BMPR1B: variants seen among roughly 807,000 people sequenced by gnomAD.
The protein encoded by BMPR1B is bone morphogenetic protein receptor type-1B.
In BMPR1B, 12 loss-of-function variants were observed where a neutral mutation model predicts 59.1. That is an observed-to-expected ratio of 0.20 (90% CI 0.13 to 0.33). The LOEUF is 0.33. Ranked by LOEUF, BMPR1B falls within the 10% of genes least tolerant of loss-of-function variation. The probability of loss-of-function intolerance (pLI) is 1.00; values close to 1 mark genes in which losing one functional copy is unlikely to be tolerated. For missense variants in BMPR1B, 550 were observed against 610.9 expected, an observed-to-expected ratio of 0.90 and a Z score of 1.05; for synonymous variants, 237 against 207.3, an observed-to-expected ratio of 1.14 and a Z score of -1.23.
chr4:94,988,270 C>T (rs934089439), intron 2 of BMPR1B, among the ~76,000 whole-genome samples: 19 of 152,008 alleles, frequency 1.2e-4, no homozygotes, highest in African/African-American at 4.3e-4. Flanking sequence ...TGGAAACCCA[C>T]CTATTATTAT....
intron 2 of BMPR1B, among the ~76,000 whole-genome samples, chr4:94,972,275 A>C (rs1353779512): frequency 6.7e-6 from 1 of 148,890 alleles, no homozygotes; most frequent in Non-Finnish European, 1.5e-5. Context: ...GCTAGCTGTA[A>C]CATTAGCTAA....
chr4:94,919,213 C>T (rs1460909523), intron 2 of BMPR1B, among the ~76,000 whole-genome samples: 1 of 152,140 alleles, frequency 6.6e-6, no homozygotes, highest in Non-Finnish European at 1.5e-5. Context: ...CGCAGACGTG[C>T]ACTGCCTTAA....
intron 2 of BMPR1B, among the ~76,000 whole-genome samples, chr4:94,943,142 T>C (rs1729581666): frequency 6.6e-6 from 1 of 151,334 alleles, no homozygotes; most frequent in Non-Finnish European, 1.5e-5. Context: ...ATCCACTCAC[T>C]ATTTTTTTTT....
chr4:94,894,438 AAGAGAGAGAG>A (rs35163913), intron 2 of BMPR1B, among the ~76,000 whole-genome samples: 1 of 149,386 alleles, frequency 6.7e-6, no homozygotes, highest in African/African-American at 2.5e-5. Flanking sequence ...TGGCCTTTAA[AAGAGAGAGAG>A]AGAGAGAGAG....
chr4:94,789,216 C>T (rs1270218808), intron 1 of BMPR1B, among the ~76,000 whole-genome samples: 1 of 152,226 alleles, frequency 6.6e-6, no homozygotes, highest in African/African-American at 2.4e-5. Context: ...GAAGATGACA[C>T]TTCAGCTCAT....
At chr4:94,810,701 A>G (rs1723777650) in intron 1 of BMPR1B, among the ~76,000 whole-genome samples, 1 of 152,232 alleles carries the variant, frequency 6.6e-6, no homozygotes, top group African/African-American at 2.4e-5. Flanking sequence ...ATAAAGACAA[A>G]CTAAATGGTG....
chr4:95,030,864 TAA>T (rs1448198384), intron 3 of BMPR1B, among the ~76,000 whole-genome samples: 4 of 151,984 alleles, frequency 2.6e-5, no homozygotes, highest in Non-Finnish European at 4.4e-5. Context: ...CTCAACGAAA[TAA>T]AAGAGGATAC....
chr4:94,956,212 C>T (rs1318528271), intron 2 of BMPR1B, among the ~76,000 whole-genome samples: 1 of 151,784 alleles, frequency 6.6e-6, no homozygotes, highest in African/African-American at 2.4e-5. Flanking sequence ...TTTAGGTTCA[C>T]CTGTTTGTTT....
rs537871883 is a variant in BMPR1B at position 95,100,300 on chromosome 4, T to C, written c.-17-4108T>C. ...TCAGAAAATATTAAAATGCTTTTTT[T>C]CCCCTGCCCTCACTCTTAATTTGCC... On this transcript the variant is annotated intron_variant, in intron 3 of 12. Transcript: ENST00000515059. Among the ~76,000 whole-genome samples, 11 of 152,282 alleles carry C rather than the reference T, an allele frequency of 7.2e-5. 1 individual carries two copies. In the South Asian group the frequency reaches 2.3e-3, roughly 32 times the overall value.
rs531580805 is a variant in BMPR1B at position 95,003,216 on chromosome 4, A to G, written c.-18+7082A>G. 7.9e-5 allele frequency among the ~76,000 whole-genome samples: 12 copies of G among 152,242 alleles called. No individual in the cohort carries two copies. In the South Asian group the frequency reaches 2.3e-3, roughly 29 times the overall value. ...GGAAAAAATATTTTTCTGTATTTTT[A>G]TGTCTTAATTTAACTGTTAATACTA... On this transcript the variant is annotated intron_variant, in intron 3 of 12. Coordinates refer to ENST00000515059, the MANE Select transcript of BMPR1B (RefSeq NM_001203.3).
intron 3 of BMPR1B, among the ~76,000 whole-genome samples, chr4:95,065,188 C>T (rs1023160519): frequency 6.6e-6 from 1 of 152,106 alleles, no homozygotes; most frequent in African/African-American, 2.4e-5. Context: ...AGTACTGATA[C>T]ATGCTACAAC....
intron 1 of BMPR1B, among the ~76,000 whole-genome samples, chr4:94,870,052 A>C (rs34628453): frequency 0.17 from 25,135 of 152,186 alleles, 2,253 homozygotes; most frequent in South Asian, 0.24. Flanking sequence ...GTTGCAAAGA[A>C]AGGTTTTAAG....
intron 2 of BMPR1B, among the ~76,000 whole-genome samples, chr4:94,887,061 C>A (rs75402222): frequency 4.6e-5 from 7 of 151,652 alleles, no homozygotes; most frequent in African/African-American, 1.7e-4. Context: ...GAACGAAGAG[C>A]GATTCTTTGG....
At chr4:95,047,585 A>G (rs1386890499) in intron 3 of BMPR1B, among the ~76,000 whole-genome samples, 1 of 152,160 alleles carries the variant, frequency 6.6e-6, no homozygotes, top group East Asian at 1.9e-4. Flanking sequence ...CAGTTATTCC[A>G]GTGTAAAGTT....
intron 3 of BMPR1B, among the ~76,000 whole-genome samples, chr4:95,071,652 GTATA>G (rs58148216): frequency 0.032 from 2,713 of 84,292 alleles, 55 homozygotes; most frequent in African/African-American, 0.044. Flanking sequence ...GTGTGTGTGT[GTATA>G]TATATATATA....
intron 1 of BMPR1B, among the ~76,000 whole-genome samples, chr4:94,832,265 A>G (rs376679999): frequency 6.6e-5 from 10 of 152,150 alleles, no homozygotes; most frequent in Non-Finnish European, 1.5e-4. Context: ...AGGCTATACC[A>G]TTTAAGTTTG....
intron 1 of BMPR1B, among the ~76,000 whole-genome samples, chr4:94,771,029 T>C (rs940898871): frequency 3.9e-5 from 6 of 152,014 alleles, no homozygotes; most frequent in Non-Finnish European, 8.8e-5. Flanking sequence ...AACACGAAAT[T>C]AGGGAAACGT....
intron 8 of BMPR1B, 32 bp downstream of exon 8, chr4:95,125,153 A>C: frequency 6.2e-7 from 1 of 1,612,458 alleles, no homozygotes; most frequent in Non-Finnish European, 8.5e-7. Flanking sequence ...AATTTAAAGG[A>C]AATGTTTTCT....
intron 3 of BMPR1B, among the ~76,000 whole-genome samples, chr4:95,092,936 A>C (rs1471509395): frequency 6.6e-6 from 1 of 152,190 alleles, no homozygotes; most frequent in Non-Finnish European, 1.5e-5. Flanking sequence ...CAGAGCATTC[A>C]TAGAAACTGC....
Sources: allele counts gnomAD v4.1 joint callset (sites outside exome capture counted in the v4.1 genomes callset), GRCh38; gene constraint gnomAD v4.1.1; transcripts MANE v1.5; gene names NCBI Gene and HGNC (gene_info 2026-07-23, HGNC 2026-07-21).